Variants in DERA observed in about 807,000 individuals in gnomAD.
DERA encodes the protein deoxyribose-phosphate aldolase, also known as 2-deoxy-D-ribose 5-phosphate aldolase.
Under a neutral mutation model 41.1 loss-of-function variants are expected in DERA, and 15 were observed. The observed-to-expected ratio is 0.37, with a 90% CI of 0.24 to 0.56. The LOEUF is 0.56. DERA is among the 20% of genes least tolerant of loss of function. The pLI is 0.81. For synonymous variants in DERA, 139 were observed against 137.4 expected, an observed-to-expected ratio of 1.01 and a Z score of -0.08; for missense variants, 396 against 403.4, an observed-to-expected ratio of 0.98 and a Z score of 0.16.
Position 16,008,202 on chromosome 12 carries a change from T to C in DERA, c.638-24340T>C, listed in dbSNP as rs925867743. Among the ~76,000 whole-genome samples, 5 of 152,222 alleles carry C rather than the reference T, an allele frequency of 3.3e-5. No homozygotes were observed. The highest frequency in any genetic ancestry group is 2.0e-4 in the Admixed American group (3 of 15,286). ...GTTTCTTCAGCAACGTGCAGACACATTGGTGTACAGATGCTTCATTCGCTA... is the reference window on the plus strand; with the variant it reads ...GTTTCTTCAGCAACGTGCAGACACACTGGTGTACAGATGCTTCATTCGCTA... On this transcript the variant is annotated intron_variant, in intron 6 of 8. Transcript: ENST00000428559. The surrounding 1 kb of genome is among the most constrained non-coding windows in gnomAD (Gnocchi z 4.8).
chr12:15,965,419 T>C lies in DERA; in HGVS notation c.508+2472T>C, dbSNP rs1277863642. On this transcript the variant is annotated intron_variant, in intron 5 of 8. Coordinates refer to ENST00000428559, the MANE Select transcript of DERA (RefSeq NM_015954.4). This position sits in a 1 kb window ranked among gnomAD's most constrained non-coding sequence, Gnocchi z 4.1. The stretch of plus-strand genomic sequence containing the variant: ...ACCTAGGTAGGTATTAAGTGCCTCA[T>C]GCATTAGCTATTTTCCCTAATGCAC... Among the ~76,000 whole-genome samples the C allele has an allele frequency of 2.0e-5, 3 of 152,180 alleles. No homozygotes were observed. In the East Asian group the frequency reaches 5.8e-4, roughly 29 times the overall value.
intron 6 of DERA, among the ~76,000 whole-genome samples, chr12:15,997,988 G>C (rs1180401702): frequency 1.3e-5 from 2 of 152,124 alleles, no homozygotes; most frequent in Non-Finnish European, 2.9e-5. Flanking sequence ...CATTTTAAAG[G>C]TGAGAAAACC....
In DERA at chr12:15,936,926, CTGTCCTGTCTTGTCCTG is replaced by C. The variant is rs1948371128; in HGVS notation, c.32-20008_32-19992del. The stretch of plus-strand genomic sequence containing the variant: ...CTGTCCTGTCCTGTCCTGTCCTGTC[CTGTCCTGTCTTGTCCTG>C]TCCCGTCCTGTCCTGCCCTGCCCTG... On this transcript the variant is annotated intron_variant, in intron 1 of 8. Transcript: ENST00000428559. The surrounding 1 kb of genome is among the most constrained non-coding windows in gnomAD (Gnocchi z 4.6). Among the ~76,000 whole-genome samples the C allele has an allele frequency of 7.3e-6, 1 of 137,780 alleles. No individual in the cohort carries two copies. Among genetic ancestry groups the C allele is most frequent in the African/African-American group, 3.0e-5 (1 of 33,766 alleles). 90.4% of individuals were successfully genotyped at this position (137,780 alleles called of 152,430 possible). A position where few individuals can be genotyped will look rare whatever the true frequency, so the allele number is the denominator to read the frequency against.
Position 15,994,499 on chromosome 12 carries a change from G to T in DERA, c.637+12063G>T, listed in dbSNP as rs111392403. 6.6e-6 allele frequency among the ~76,000 whole-genome samples: 1 copy of T among 152,166 alleles called. No homozygotes were observed. The highest frequency in any genetic ancestry group is 6.5e-5 in the Admixed American group (1 of 15,290). On this transcript the variant is annotated intron_variant, in intron 6 of 8. Coordinates refer to ENST00000428559, the MANE Select transcript of DERA (RefSeq NM_015954.4). The surrounding 1 kb of genome is among the most constrained non-coding windows in gnomAD (Gnocchi z 4.8). ...GACGGAGTCTCGTTCTGTCGCCCAG[G>T]CTGGAGTGCAGTGGCGCGATCTCTG...
At position 16,000,062 on chromosome 12, in the gene DERA, G is replaced by C. The variant is rs979877735; in HGVS notation, c.637+17626G>C. Among the ~76,000 whole-genome samples the C allele has an allele frequency of 6.6e-6, 1 of 151,986 alleles. No individual in the cohort carries two copies. Among genetic ancestry groups the C allele is most frequent in the African/African-American group, 2.4e-5 (1 of 41,400 alleles). On this transcript the variant is annotated intron_variant, in intron 6 of 8. Transcript: ENST00000428559. The surrounding 1 kb of genome is among the most constrained non-coding windows in gnomAD (Gnocchi z 4.8). ...AGAGTAGATGCCTGTGGGACATATC[G>C]GGGGGCAAATTTGATTGTGCTTGGT...
chr12:16,031,725 C>A (rs547429590), intron 6 of DERA, among the ~76,000 whole-genome samples: 6 of 152,248 alleles, frequency 3.9e-5, no homozygotes, highest in Non-Finnish European at 8.8e-5. Flanking sequence ...TCCTACCTTT[C>A]CATTTACTGT....
At chr12:16,024,284 C>T (rs897008338) in intron 6 of DERA, among the ~76,000 whole-genome samples, 10 of 152,254 alleles carry the variant, frequency 6.6e-5, no homozygotes, top group African/African-American at 2.4e-4. Flanking sequence ...GACACCAAAC[C>T]ACAGATCCAG....
chr12:15,987,508 A>G (rs1948772994), intron 6 of DERA, among the ~76,000 whole-genome samples: 1 of 152,018 alleles, frequency 6.6e-6, no homozygotes, highest in Non-Finnish European at 1.5e-5. Context: ...AAGTGCTGGG[A>G]TTACAGATGT....
intron 1 of DERA, chr12:15,956,695 A>G (rs1185239200): frequency 7.2e-6 from 4 of 558,724 alleles, no homozygotes; most frequent in African/African-American, 1.9e-5. Context: ...AGGCTGGTAC[A>G]GAAGCAATTG....
Position 15,959,910 on chromosome 12 carries a change from T to C in DERA, c.359T>C (p.Ile120Thr). The change falls in exon 4 of 9, where the codon ATC (isoleucine) becomes ACC (threonine). Residue 120 changes from isoleucine (I) to threonine (T), a missense_variant. Coordinates refer to ENST00000428559, the MANE Select transcript of DERA (RefSeq NM_015954.4). This position sits in a 1 kb window ranked among gnomAD's most constrained non-coding sequence, Gnocchi z 4.5. ...VKALKAAGCN[I>T]PVASVAAGFP... is the part of the protein sequence containing the mutation. ...GCACTCAAGGCTGCAGGCTGTAATA[T>C]CCCTGTGGCATCAGGTAAAATGTGT... The C allele has an allele frequency of 6.5e-7, 1 of 1,546,902 alleles. No individual in the cohort carries two copies. The highest frequency in any genetic ancestry group is 8.7e-7 in the Non-Finnish European group (1 of 1,142,984).
At position 15,966,337 on chromosome 12, in the gene DERA, G is replaced by T. The variant is rs148939951; in HGVS notation, c.508+3390G>T. ...AGATTCGTTGGGCATGGTGGCACAT[G>T]CCTGTAATCCCAGCTACTCTGGAGG... On this transcript the variant is annotated intron_variant, in intron 5 of 8. Coordinates refer to ENST00000428559, the MANE Select transcript of DERA (RefSeq NM_015954.4). The surrounding 1 kb of genome is among the most constrained non-coding windows in gnomAD (Gnocchi z 5.1). Among the ~76,000 whole-genome samples the T allele has an allele frequency of 8.6e-3, 1,309 of 152,204 alleles. 11 individuals are homozygous for T. Among genetic ancestry groups the T allele is most frequent in the Middle Eastern group, 0.017 (5 of 294 alleles).
rs925105329 is a variant in DERA, at chr12:15,966,754, A to G, written c.508+3807A>G. ...CTCCTCTGTCATCCCTGAAGTGTCC[A>G]TGTTTCTCAGAATCTGAGAACTGTG... is the stretch of plus-strand genomic sequence containing the variant. On this transcript the variant is annotated intron_variant, in intron 5 of 8. Coordinates refer to ENST00000428559, the MANE Select transcript of DERA (RefSeq NM_015954.4). This position sits in a 1 kb window ranked among gnomAD's most constrained non-coding sequence, Gnocchi z 5.1. 6.6e-6 allele frequency among the ~76,000 whole-genome samples: 1 copy of G among 151,880 alleles called. No individual in the cohort carries two copies. The highest frequency in any genetic ancestry group is 1.5e-5 in the Non-Finnish European group (1 of 67,980).
At chr12:15,960,024 G>T in intron 4 of DERA, 100 bp downstream of exon 4, 1 of 809,390 alleles carries the variant, frequency 1.2e-6, no homozygotes, top group Non-Finnish European at 1.9e-6. Context: ...ATTTAAATTA[G>T]TTTATGTATT....
Position 15,911,369 on chromosome 12 carries a change from G to A in DERA, c.-15G>A, listed in dbSNP as rs1412065064. ...CGGGCGCCTACCAGCCGGCAGCTCCGGAGCTGCCCGCGCCATGTCCGCGCA... is the reference window on the plus strand; with the variant it reads ...CGGGCGCCTACCAGCCGGCAGCTCCAGAGCTGCCCGCGCCATGTCCGCGCA... On this transcript the variant is annotated 5_prime_UTR_variant, in exon 1 of 9. Coordinates refer to ENST00000428559, the MANE Select transcript of DERA (RefSeq NM_015954.4). The surrounding 1 kb of genome is among the most constrained non-coding windows in gnomAD (Gnocchi z 4.5). The A allele has an allele frequency of 2.8e-6, 4 of 1,412,020 alleles. No homozygotes were observed. Among genetic ancestry groups the A allele is most frequent in the Admixed American group, 3.4e-5 (1 of 29,556 alleles). The allele number at this position is 1,412,020 out of a possible 1,614,324, so 87.5% of individuals were successfully genotyped here. A position where few individuals can be genotyped will look rare whatever the true frequency, so the allele number is the denominator to read the frequency against.
chr12:15,958,670 A>G (rs529477002), intron 3 of DERA, among the ~76,000 whole-genome samples: 1 of 152,284 alleles, frequency 6.6e-6, no homozygotes, highest in Admixed American at 6.5e-5. Flanking sequence ...ATACGTGAAA[A>G]AGCCAGTCTC....
Position 16,012,703 on chromosome 12 carries a change from T to C in DERA, c.638-19839T>C, listed in dbSNP as rs1041684176. On this transcript the variant is annotated intron_variant, in intron 6 of 8. Transcript: ENST00000428559. The surrounding 1 kb of genome is among the most constrained non-coding windows in gnomAD (Gnocchi z 4.1). ...TTTTAAAGATATTGGTGTAAAATGG[T>C]GTCAAATTGTTAACCTACAGAGTGA... Among the ~76,000 whole-genome samples the C allele has an allele frequency of 7.2e-5, 11 of 152,202 alleles. No homozygotes were observed. Among genetic ancestry groups the C allele is most frequent in the Non-Finnish European group, 1.3e-4 (9 of 68,048 alleles).
intron 1 of DERA, among the ~76,000 whole-genome samples, chr12:15,950,355 C>G (rs1231147055): frequency 6.6e-6 from 1 of 152,180 alleles, no homozygotes; most frequent in Non-Finnish European, 1.5e-5. Context: ...CATTTGTAAA[C>G]TGTCATGGCA....
intron 1 of DERA, among the ~76,000 whole-genome samples, chr12:15,929,501 C>G (rs1948312074): frequency 6.6e-6 from 1 of 151,838 alleles, no homozygotes; most frequent in African/African-American, 2.4e-5. Flanking sequence ...TCAGCTCAAG[C>G]CCTGTCTGCT....
chr12:16,031,793 A>G (rs1239572523), intron 6 of DERA, among the ~76,000 whole-genome samples: 4 of 152,144 alleles, frequency 2.6e-5, no homozygotes, highest in Admixed American at 1.3e-4. Context: ...TTAAAAGTAG[A>G]GATCGTATTA....
Sources: gnomAD v4.1 joint callset for allele counts (sites outside exome capture counted in the v4.1 genomes callset) on GRCh38, gnomAD v4.1.1 for gene constraint, Gnocchi (gnomAD v3.1) non-coding constraint, MANE v1.5 for transcripts, NCBI Gene and HGNC (gene_info 2026-07-23, HGNC 2026-07-21) for gene names.